The following OCA2 variants were observed in gnomAD, a reference collection of about 807,000 sequenced individuals.
The protein encoded by OCA2 is P protein.
Under a neutral mutation model 100.2 loss-of-function variants are expected in OCA2, and 77 were observed. The ratio of observed to expected loss-of-function variants is 0.77; its 90% CI spans 0.64 to 0.93. OCA2 has a LOEUF of 0.93. Ranked by LOEUF, OCA2 falls within the 40% of genes least tolerant of loss-of-function variation. The pLI, the probability that OCA2 is intolerant of heterozygous loss-of-function variation, is 0.00. For missense variants in OCA2, 1,062 were observed against 1,089.1 expected (o/e 0.98, Z 0.35); for synonymous variants, 432 against 439.2 (o/e 0.98, Z 0.21).
chr15:27,796,346 G>C (rs1448940038), intron 23 of OCA2, among the ~76,000 whole-genome samples: 2 of 152,270 alleles, frequency 1.3e-5, no homozygotes, highest in African/African-American at 4.8e-5. Flanking sequence ...CCACCTGAGG[G>C]GCATGAGCAA....
intron 23 of OCA2, among the ~76,000 whole-genome samples, chr15:27,842,800 C>G (rs182068922): frequency 5.1e-4 from 77 of 152,274 alleles, no homozygotes; most frequent in Non-Finnish European, 7.8e-4. Flanking sequence ...GTCATACTAG[C>G]TGTTCACCAC....
chr15:28,094,048 C>G (rs967084409), intron 1 of OCA2, among the ~76,000 whole-genome samples: 3 of 152,162 alleles, frequency 2.0e-5, no homozygotes, highest in Non-Finnish European at 4.4e-5. Context: ...CCAAACACAT[C>G]CTAACTCCTC....
At chr15:28,030,149 C>T (rs2042871285) in intron 3 of OCA2, among the ~76,000 whole-genome samples, 1 of 152,210 alleles carries the variant, frequency 6.6e-6, no homozygotes, top group African/African-American at 2.4e-5. Flanking sequence ...CAGTTATCCA[C>T]CAGTACAGAA....
At chr15:28,041,291 A>G (rs891271238) in intron 2 of OCA2, among the ~76,000 whole-genome samples, 3 of 149,862 alleles carry the variant, frequency 2.0e-5, no homozygotes, top group Non-Finnish European at 4.4e-5. Flanking sequence ...CAGGAAAAAC[A>G]TTTGACAAAG....
In OCA2 at chr15:27,989,596, A is replaced by G. The variant is rs746412914; in HGVS notation, c.1182+5T>C. 1 of 1,613,668 alleles carries G rather than the reference A, an allele frequency of 6.2e-7. No individual in the cohort carries two copies. The highest frequency in any genetic ancestry group is 2.2e-5 in the East Asian group (1 of 44,854). On this transcript the variant is annotated splice_donor_5th_base_variant and intron_variant, in intron 11 of 23. Transcript: ENST00000354638. The stretch of plus-strand genomic sequence containing the variant: ...GCCCAGTCCCACGGGGAGAGCTGTA[A>G]TTACCATGCCAAACAGCAGGGCCAG...
At chr15:27,962,568 T>C (rs912410615) in intron 15 of OCA2, among the ~76,000 whole-genome samples, 5 of 152,182 alleles carry the variant, frequency 3.3e-5, no homozygotes, top group Admixed American at 3.3e-4. Context: ...GGAACTATAC[T>C]AGTGTTAAGT....
At chr15:27,796,436 C>A (rs115980827) in intron 23 of OCA2, among the ~76,000 whole-genome samples, 2 of 152,248 alleles carry the variant, frequency 1.3e-5, no homozygotes, top group African/African-American at 4.8e-5. Flanking sequence ...GGAAACAGCA[C>A]GTGCTGGGCA....
chr15:28,086,272 G>C (rs1317203738), intron 1 of OCA2, among the ~76,000 whole-genome samples: 3 of 152,216 alleles, frequency 2.0e-5, no homozygotes, highest in Non-Finnish European at 2.9e-5. Context: ...GCAGTAATGA[G>C]GCCACTCCCC....
chr15:27,971,367 T>C (rs925018611), intron 14 of OCA2, among the ~76,000 whole-genome samples: 1 of 152,194 alleles, frequency 6.6e-6, no homozygotes, highest in Admixed American at 6.5e-5. Context: ...GATAGTTGAA[T>C]AGTTTTGCTC....
intron 23 of OCA2, among the ~76,000 whole-genome samples, chr15:27,772,773 G>A (rs2031959932): frequency 6.6e-6 from 1 of 151,318 alleles, no homozygotes; most frequent in Admixed American, 6.6e-5. Context: ...CCCAGGAGGT[G>A]GAGGTTGCAG....
intron 23 of OCA2, among the ~76,000 whole-genome samples, chr15:27,837,088 C>T (rs764545613): frequency 4.6e-5 from 7 of 152,174 alleles, no homozygotes; most frequent in East Asian, 1.9e-4. Flanking sequence ...GGCACTGAAA[C>T]GGTATGCCCT....
chr15:27,729,741 C>T, the OCA2 span, among the ~76,000 whole-genome samples: 1 of 152,146 alleles, frequency 6.6e-6, no homozygotes, highest in East Asian at 1.9e-4. Flanking sequence ...AATTGTGGAC[C>T]TCTTTGTTGG....
intron 19 of OCA2, among the ~76,000 whole-genome samples, chr15:27,903,227 C>G (rs148391193): frequency 6.6e-6 from 1 of 152,188 alleles, no homozygotes; most frequent in Non-Finnish European, 1.5e-5. Context: ...GCGTAAGTCC[C>G]GACGGTCTGT....
intron 22 of OCA2, among the ~76,000 whole-genome samples, chr15:27,845,572 T>G (rs893448222): frequency 6.6e-6 from 1 of 152,212 alleles, no homozygotes; most frequent in African/African-American, 2.4e-5. Context: ...TAAGCTTTTA[T>G]GACCGTGCAC....
intron 8 of OCA2, among the ~76,000 whole-genome samples, chr15:28,015,384 A>G (rs759310207): frequency 6.6e-6 from 1 of 152,346 alleles, no homozygotes; most frequent in Admixed American, 6.5e-5. Flanking sequence ...GTTCAGGCCA[A>G]TATGTTTTAT....
chr15:27,945,351 C>G (rs1380042776), intron 18 of OCA2, among the ~76,000 whole-genome samples: 1 of 152,086 alleles, frequency 6.6e-6, no homozygotes, highest in African/African-American at 2.4e-5. Flanking sequence ...AGCCATTTCT[C>G]TGTGTGTGGC....
At position 27,983,337 on chromosome 15, in the gene OCA2, G is replaced by A; in HGVS notation, c.1503+8C>T. 1.9e-6 allele frequency: 3 copies of A among 1,614,134 alleles called. No individual in the cohort carries two copies. Among genetic ancestry groups the A allele is most frequent in the East Asian group, 2.2e-5 (1 of 44,864 alleles). ...TACTGGAAGCAACCCTAGCATGCTG[G>A]TACGTACCATCTTCCTCAGCTCTTG... On this transcript the variant is annotated splice_region_variant and intron_variant, in intron 14 of 23. Transcript: ENST00000354638.
chr15:28,063,056 T>A (rs2043922902), intron 2 of OCA2, among the ~76,000 whole-genome samples: 1 of 152,188 alleles, frequency 6.6e-6, no homozygotes, highest in Non-Finnish European at 1.5e-5. Flanking sequence ...CATTTCTCTA[T>A]GACTTGCAGG....
At chr15:27,753,757 A>G (rs190310099), downstream of OCA2, among the ~76,000 whole-genome samples, 1 of 152,066 alleles carries the variant, frequency 6.6e-6, no homozygotes, top group East Asian at 1.9e-4. Flanking sequence ...AAGAAAAGAA[A>G]GAAAGAAAGA....
Sources: gnomAD v4.1 joint callset for allele counts (sites outside exome capture counted in the v4.1 genomes callset) on GRCh38, gnomAD v4.1.1 for gene constraint, MANE v1.5 for transcripts, NCBI Gene and HGNC (gene_info 2026-07-23, HGNC 2026-07-21) for gene names.